Variants in LDLRAD4 observed in about 807,000 individuals in gnomAD.
LDLRAD4 encodes the protein low density lipoprotein receptor class A domain containing 4.
A neutral mutation model predicts 17.0 loss-of-function variants in LDLRAD4; 5 were observed. That is an observed-to-expected ratio of 0.29 (90% CI 0.15 to 0.62). The LOEUF (loss-of-function observed/expected upper bound fraction) is 0.62. Among genes scored for constraint, LDLRAD4 ranks in the 20% least tolerant of loss-of-function variants. The probability of loss-of-function intolerance (pLI) is 0.84; values close to 1 mark genes in which losing one functional copy is unlikely to be tolerated. For missense variants in LDLRAD4, 340 were observed against 424.7 expected, an observed-to-expected ratio of 0.80 and a Z score of 1.75; for synonymous variants, 168 against 171.8, an observed-to-expected ratio of 0.98 and a Z score of 0.17.
chr18:13,332,358 T>G (rs902890557), intron 1 of LDLRAD4, among the ~76,000 whole-genome samples: 1 of 152,170 alleles, frequency 6.6e-6, no homozygotes, highest in Admixed American at 6.5e-5. Flanking sequence ...GCCATCAACA[T>G]CCCACACCAC....
chr18:13,251,675 C>A lies in LDLRAD4; in HGVS notation c.-466-26430C>A, dbSNP rs1442725037. ...TAAACTTTACCAAGGAGGCCAAAGA[C>A]CTCTACAAGGAAAACTACAAAGCAT... On this transcript the variant is annotated intron_variant, in intron 1 of 5. Coordinates refer to the LDLRAD4 transcript ENST00000399848. 2.6e-5 allele frequency among the ~76,000 whole-genome samples: 4 copies of A among 152,254 alleles called. No homozygotes were observed. The South Asian group carries it at 8.3e-4, about 32-fold the overall frequency.
At chr18:13,469,167 C>G (rs1266892525) in intron 3 of LDLRAD4, among the ~76,000 whole-genome samples, 1 of 152,092 alleles carries the variant, frequency 6.6e-6, no homozygotes, top group Non-Finnish European at 1.5e-5. Context: ...AAAGGAAAAT[C>G]AAAACCACAA....
At chr18:13,506,797 A>T (rs1408001724) in intron 3 of LDLRAD4, among the ~76,000 whole-genome samples, 1 of 152,220 alleles carries the variant, frequency 6.6e-6, no homozygotes, top group Non-Finnish European at 1.5e-5. Flanking sequence ...TGGCATGGTA[A>T]CCAGTTGCCA....
chr18:13,591,416 A>G (rs1014009517), intron 3 of LDLRAD4, among the ~76,000 whole-genome samples: 4 of 138,476 alleles, frequency 2.9e-5, no homozygotes, highest in South Asian at 2.5e-4. Flanking sequence ...ATGTGTGTGT[A>G]TGTGTGTGTG....
intron 4 of LDLRAD4, among the ~76,000 whole-genome samples, chr18:13,630,609 G>A (rs551774995): frequency 6.6e-6 from 1 of 152,322 alleles, no homozygotes; most frequent in South Asian, 2.1e-4. Flanking sequence ...CCCAGCAGTA[G>A]TCTTGCTTTA....
At chr18:13,586,237 G>GTAT (rs2094931152) in intron 3 of LDLRAD4, among the ~76,000 whole-genome samples, 1 of 151,400 alleles carries the variant, frequency 6.6e-6, no homozygotes, top group South Asian at 2.1e-4. Context: ...GCAAAACCCC[G>GTAT]TCTCTACTAA....
intron 3 of LDLRAD4, among the ~76,000 whole-genome samples, chr18:13,547,212 G>A (rs1038403369): frequency 2.6e-5 from 4 of 152,156 alleles, no homozygotes; most frequent in Admixed American, 1.3e-4. Flanking sequence ...TCATTTACTC[G>A]AGTAGCATCC....
At chr18:13,575,482 G>A (rs527631011) in intron 3 of LDLRAD4, among the ~76,000 whole-genome samples, 3 of 152,310 alleles carry the variant, frequency 2.0e-5, no homozygotes, top group Non-Finnish European at 4.4e-5. Context: ...ATGGGCATTT[G>A]GGCTGGTTCC....
intron 3 of LDLRAD4, among the ~76,000 whole-genome samples, chr18:13,604,358 C>T (rs182069805): frequency 7.9e-5 from 12 of 152,304 alleles, no homozygotes; most frequent in African/African-American, 2.4e-4. Context: ...ATGGGAATAA[C>T]GGCCCCAGGG....
intron 3 of LDLRAD4, among the ~76,000 whole-genome samples, chr18:13,569,339 ACT>A (rs2094652692): frequency 6.6e-6 from 1 of 151,744 alleles, no homozygotes; most frequent in South Asian, 2.1e-4. Context: ...GGAATAAAAC[ACT>A]CTCTGTACTC....
intron 1 of LDLRAD4, among the ~76,000 whole-genome samples, chr18:13,246,940 GTTT>G (rs201860613): frequency 6.9e-6 from 1 of 144,740 alleles, no homozygotes; most frequent in Non-Finnish European, 1.5e-5. Flanking sequence ...ATCTACAAGG[GTTT>G]TTTTTTTTTT....
chr18:13,505,849 A>G (rs952017833), intron 3 of LDLRAD4, among the ~76,000 whole-genome samples: 1 of 151,808 alleles, frequency 6.6e-6, no homozygotes, highest in African/African-American at 2.4e-5. Context: ...AAAACAAAAC[A>G]CTAGCAACCT....
intron 1 of LDLRAD4, among the ~76,000 whole-genome samples, chr18:13,226,179 G>GTTTTTTTT (rs1243883704): frequency 3.5e-4 from 4 of 11,476 alleles, no homozygotes; most frequent in Non-Finnish European, 7.8e-4. Flanking sequence ...GCCATGCCTT[G>GTTTTTTTT]CTTTTTTTTT....
intron 3 of LDLRAD4, among the ~76,000 whole-genome samples, chr18:13,450,676 G>T (rs1479490016): frequency 6.6e-6 from 1 of 152,224 alleles, no homozygotes; most frequent in East Asian, 1.9e-4. Context: ...GTGCTAAGTG[G>T]TGTCCTTGAG....
intron 4 of LDLRAD4, among the ~76,000 whole-genome samples, chr18:13,629,185 C>G (rs1455271948): frequency 1.3e-5 from 2 of 152,176 alleles, no homozygotes; most frequent in Non-Finnish European, 2.9e-5. Flanking sequence ...TTTTTAAAAG[C>G]TTCTCCACAA....
At chr18:13,286,131 CT>C (rs2045609415) in intron 1 of LDLRAD4, among the ~76,000 whole-genome samples, 2 of 152,216 alleles carry the variant, frequency 1.3e-5, no homozygotes, top group South Asian at 4.1e-4. Flanking sequence ...CATGGTTCTA[CT>C]TTCTGTCTCT....
chr18:13,543,988 G>A lies in LDLRAD4; in HGVS notation c.182-77129G>A, dbSNP rs1220146881. ...GACGAGGCCTGCCCCGAACGTGCAG[G>A]CCCACATACGTGCATACGTGTGGAC... On this transcript the variant is annotated intron_variant, in intron 3 of 5. Coordinates refer to ENST00000359446, the Ensembl canonical transcript of LDLRAD4. Among the ~76,000 whole-genome samples, 3 of 152,244 alleles carry A rather than the reference G, an allele frequency of 2.0e-5. No individual in the cohort carries two copies. In the East Asian group the frequency reaches 5.8e-4, roughly 29 times the overall value.
At chr18:13,322,290 C>CTTTTTTTTTTTTTTTTTT (rs370707500) in intron 1 of LDLRAD4, among the ~76,000 whole-genome samples, 5 of 109,744 alleles carry the variant, frequency 4.6e-5, no homozygotes, top group African/African-American at 1.5e-4. Flanking sequence ...ACTTTTCTCA[C>CTTTTTTTTTTTTTTTTTT]TTTTTTTTTT....
chr18:13,535,249 G>C (rs2094187072), intron 3 of LDLRAD4, among the ~76,000 whole-genome samples: 1 of 152,220 alleles, frequency 6.6e-6, no homozygotes, highest in Non-Finnish European at 1.5e-5. Context: ...CGCTATACTG[G>C]TTTTCAAAGT....
Sources: gnomAD v4.1 joint callset for allele counts (sites outside exome capture counted in the v4.1 genomes callset) on GRCh38, gnomAD v4.1.1 for gene constraint, MANE v1.5 for transcripts, NCBI Gene and HGNC (gene_info 2026-07-23, HGNC 2026-07-21) for gene names.